RBFOX1: variants seen among roughly 807,000 people sequenced by gnomAD.
RBFOX1 encodes the protein RNA binding protein fox-1 homolog 1.
In RBFOX1, 8 loss-of-function variants were observed where a neutral mutation model predicts 57.7. That is an observed-to-expected ratio of 0.14 (90% CI 0.08 to 0.25). The LOEUF (loss-of-function observed/expected upper bound fraction) is 0.25. Among genes scored for constraint, RBFOX1 ranks in the 10% least tolerant of loss-of-function variants. The pLI, the probability that RBFOX1 is intolerant of heterozygous loss-of-function variation, is 1.00. For missense variants in RBFOX1, 611 were observed against 548.5 expected (o/e 1.11, Z -1.14); for synonymous variants, 326 against 222.4 (o/e 1.47, Z -4.15).
intron 2 of RBFOX1, among the ~76,000 whole-genome samples, chr16:6,599,879 A>C (rs941490820): frequency 1.3e-5 from 2 of 152,230 alleles, no homozygotes; most frequent in African/African-American, 4.8e-5. Flanking sequence ...CAACTAGAAC[A>C]GCACCCTGCA....
intron 2 of RBFOX1, among the ~76,000 whole-genome samples, chr16:6,570,281 T>G (rs574326446): frequency 6.6e-6 from 1 of 152,224 alleles, no homozygotes; most frequent in Non-Finnish European, 1.5e-5. Context: ...CTCTTTTGTT[T>G]TGAAAATCAG....
At chr16:6,591,943 G>T (rs891056052) in intron 2 of RBFOX1, among the ~76,000 whole-genome samples, 1 of 152,326 alleles carries the variant, frequency 6.6e-6, no homozygotes, top group East Asian at 1.9e-4. Flanking sequence ...AGAAGACAGA[G>T]ATGTTAAGTA....
intron 1 of RBFOX1, among the ~76,000 whole-genome samples, chr16:6,020,938 T>G (rs1163292381): frequency 6.6e-6 from 1 of 152,198 alleles, no homozygotes; most frequent in Non-Finnish European, 1.5e-5. Context: ...GCTCCATTCC[T>G]TGCTGCCAGG....
Position 7,029,063 on chromosome 16 carries a change from T to TAC in RBFOX1, c.-15-22993_-15-22992insCA, listed in dbSNP as rs1568438969. ...AAAAAAAGCTATATATATATATATA[T>TAC]ATATATATATATATATATACACACA... On this transcript the variant is annotated intron_variant, in intron 3 of 15. Transcript: ENST00000550418. Among the ~76,000 whole-genome samples the TAC allele has an allele frequency of 2.4e-3, 77 of 32,632 alleles. 1 individual carries two copies. The highest frequency in any genetic ancestry group is 3.3e-3 in the Non-Finnish European group (68 of 20,910). 21.4% of individuals were successfully genotyped at this position (32,632 alleles called of 152,430 possible). A position where few individuals can be genotyped will look rare whatever the true frequency, so the allele number is the denominator to read the frequency against.
intron 2 of RBFOX1, among the ~76,000 whole-genome samples, chr16:6,510,759 T>TA (rs145941921): frequency 0.023 from 3,422 of 151,392 alleles, 135 homozygotes; most frequent in African/African-American, 0.079. Context: ...CCCAAACTAT[T>TA]AAAAAAAAGA....
At chr16:6,632,500 T>C (rs1055237975) in intron 2 of RBFOX1, among the ~76,000 whole-genome samples, 1 of 152,214 alleles carries the variant, frequency 6.6e-6, no homozygotes, top group Non-Finnish European at 1.5e-5. Context: ...GTGGCTGTTA[T>C]CCATGTGCAG....
At chr16:5,382,511 G>A (rs887474520) in intron 1 of RBFOX1, among the ~76,000 whole-genome samples, 5 of 151,888 alleles carry the variant, frequency 3.3e-5, no homozygotes, top group African/African-American at 1.2e-4. Context: ...GCAATCTGTG[G>A]CCATTTCTGT....
chr16:6,859,423 C>A (rs533975307), intron 3 of RBFOX1, among the ~76,000 whole-genome samples: 1 of 151,844 alleles, frequency 6.6e-6, no homozygotes, highest in African/African-American at 2.4e-5. Flanking sequence ...ATTGATTTTA[C>A]TTGTCAGCTC....
intron 4 of RBFOX1, among the ~76,000 whole-genome samples, chr16:7,224,871 T>C (rs532028464): frequency 6.6e-6 from 1 of 152,132 alleles, no homozygotes; most frequent in Non-Finnish European, 1.5e-5. Context: ...AATGTGCACT[T>C]TACCACGACT....
In RBFOX1 at chr16:6,202,810, C is replaced by G. The variant is rs553970414; in HGVS notation, c.-126-114185C>G. Among the ~76,000 whole-genome samples the G allele has an allele frequency of 2.0e-5, 3 of 152,076 alleles. 1 individual carries two copies. In the South Asian group the frequency reaches 6.2e-4, roughly 32 times the overall value. ...TTTTCTTTTCATTTTGTTTCTGAGA[C>G]AGGATCTCATTCTGTTGCCCAGGCT... On this transcript the variant is annotated intron_variant, in intron 1 of 15. Transcript: ENST00000550418.
intron 4 of RBFOX1, among the ~76,000 whole-genome samples, chr16:7,404,162 C>T (rs2148886803): frequency 6.6e-6 from 1 of 152,012 alleles, no homozygotes; most frequent in Non-Finnish European, 1.5e-5. Flanking sequence ...AAGCGATTCT[C>T]CTGCCTCAGC....
intron 2 of RBFOX1, among the ~76,000 whole-genome samples, chr16:6,326,267 C>T (rs1395137530): frequency 1.3e-5 from 2 of 152,124 alleles, no homozygotes; most frequent in African/African-American, 2.4e-5. Flanking sequence ...TTTGGATTCT[C>T]GCTAGGTACT....
intron 3 of RBFOX1, among the ~76,000 whole-genome samples, chr16:6,734,559 T>C (rs2069579521): frequency 7.5e-6 from 1 of 133,086 alleles, no homozygotes; most frequent in African/African-American, 2.6e-5. Context: ...AGGAGTTCAG[T>C]CCATGTAATT....
intron 4 of RBFOX1, among the ~76,000 whole-genome samples, chr16:7,397,304 A>G (rs1410303402): frequency 1.3e-5 from 2 of 152,220 alleles, no homozygotes; most frequent in African/African-American, 2.4e-5. Flanking sequence ...TGAAATCACA[A>G]GATATTTAAC....
At position 5,777,567 on chromosome 16, in the gene RBFOX1, C is replaced by T. The variant is rs139720848; in HGVS notation, c.319-89736C>T. The stretch of plus-strand genomic sequence containing the variant: ...ATGGAAATCTCAGCATTGTCACTTA[C>T]TCCTTGTATAAATGGTCTTCGAGCA... On this transcript the variant is annotated intron_variant, in intron 3 of 19. Transcript: ENST00000641259. 4.3e-3 allele frequency among the ~76,000 whole-genome samples: 653 copies of T among 152,300 alleles called. 6 individuals are homozygous for T. Among genetic ancestry groups the T allele is most frequent in the African/African-American group, 0.015 (614 of 41,562 alleles).
chr16:5,746,504 C>T (rs953037832), intron 3 of RBFOX1, among the ~76,000 whole-genome samples: 3 of 152,172 alleles, frequency 2.0e-5, no homozygotes, highest in Non-Finnish European at 4.4e-5. Flanking sequence ...ATGGGGATGG[C>T]ATTGAATCTA....
At chr16:5,904,331 G>A (rs1197447023) in intron 4 of RBFOX1, among the ~76,000 whole-genome samples, 1 of 151,982 alleles carries the variant, frequency 6.6e-6, no homozygotes, top group Non-Finnish European at 1.5e-5. Flanking sequence ...GCTTCCCCTC[G>A]ACTTTGATGC....
intron 4 of RBFOX1, among the ~76,000 whole-genome samples, chr16:7,121,080 C>T (rs913286771): frequency 2.6e-5 from 4 of 151,870 alleles, no homozygotes; most frequent in Non-Finnish European, 4.4e-5. Context: ...ATGATAAAAA[C>T]TCTCAACTAA....
intron 4 of RBFOX1, among the ~76,000 whole-genome samples, chr16:7,106,962 C>A (rs1262180924): frequency 1.2e-5 from 1 of 81,468 alleles, no homozygotes; most frequent in Non-Finnish European, 2.6e-5. Context: ...AGCTTGCATT[C>A]CCATGTAAGC....
Sources: allele counts gnomAD v4.1 joint callset (sites outside exome capture counted in the v4.1 genomes callset), GRCh38; gene constraint gnomAD v4.1.1; transcripts MANE v1.5; gene names NCBI Gene and HGNC (gene_info 2026-07-23, HGNC 2026-07-21).